Variants in ARL15 observed in about 807,000 individuals in gnomAD.
The protein encoded by ARL15 is ARF like GTPase 15.
Under a neutral mutation model 25.2 loss-of-function variants are expected in ARL15, and 19 were observed. The ratio of observed to expected loss-of-function variants is 0.75; its 90% CI spans 0.53 to 1.10. The LOEUF is 1.10. Among genes scored for constraint, ARL15 ranks in the 50% least tolerant of loss-of-function variants. ARL15 has a pLI of 0.00. For missense variants in ARL15, 220 were observed against 246.0 expected (o/e 0.89, Z 0.71); for synonymous variants, 94 against 86.8 (o/e 1.08, Z -0.46).
intron 4 of ARL15, among the ~76,000 whole-genome samples, chr5:53,980,673 C>A (rs772828168): frequency 1.3e-5 from 2 of 152,106 alleles, no homozygotes; most frequent in Non-Finnish European, 2.9e-5. Flanking sequence ...TTCAAAAAAC[C>A]CTCAGATTTA....
chr5:54,277,693 A>G (rs2112660316), intron 1 of ARL15, among the ~76,000 whole-genome samples: 1 of 152,262 alleles, frequency 6.6e-6, no homozygotes, highest in African/African-American at 2.4e-5. Flanking sequence ...CAGAGCTTGC[A>G]GTGAGCCGAG....
At chr5:54,170,531 A>G (rs1754685754) in intron 2 of ARL15, among the ~76,000 whole-genome samples, 1 of 152,186 alleles carries the variant, frequency 6.6e-6, no homozygotes, top group Non-Finnish European at 1.5e-5. Context: ...TCTATTAAAC[A>G]TACACTGCAG....
chr5:54,008,507 G>A (rs546632812), intron 4 of ARL15, among the ~76,000 whole-genome samples: 2 of 152,254 alleles, frequency 1.3e-5, no homozygotes, highest in South Asian at 2.1e-4. Flanking sequence ...GGCATTACAC[G>A]AAGCTAGAAC....
chr5:54,297,499 T>C (rs77919882), intron 1 of ARL15, among the ~76,000 whole-genome samples: 3,264 of 152,378 alleles, frequency 0.021, 49 homozygotes, highest in Middle Eastern at 0.048. Context: ...TCTTATGTTA[T>C]GTCTGGAACA....
In ARL15 at chr5:54,056,434, C is replaced by A. The variant is rs115615013; in HGVS notation, c.462+56768G>T. On this transcript the variant is annotated intron_variant, in intron 4 of 4. Coordinates refer to ENST00000504924, the MANE Select transcript of ARL15 (RefSeq NM_019087.3). ...ATCACCTGAGGTCAGGAGTTCGAAA[C>A]AGCCTGGCCAACACGGTGAAACCTT... Among the ~76,000 whole-genome samples, 1,427 of 152,012 alleles carry A rather than the reference C, an allele frequency of 9.4e-3. 24 individuals carry two copies. Among genetic ancestry groups the A allele is most frequent in the African/African-American group, 0.032 (1,342 of 41,438 alleles).
intron 4 of ARL15, chr5:53,887,339 C>G (rs138015091): frequency 8.6e-6 from 6 of 699,538 alleles, no homozygotes; most frequent in South Asian, 1.5e-5. Context: ...TACATATATG[C>G]GTAAAATCTT....
At chr5:53,891,464 T>TCCCA (rs1744705808) in intron 4 of ARL15, among the ~76,000 whole-genome samples, 1 of 152,184 alleles carries the variant, frequency 6.6e-6, no homozygotes, top group Non-Finnish European at 1.5e-5. Flanking sequence ...CAACCAGTCA[T>TCCCA]TGCTAGAAAT....
chr5:53,899,613 C>T lies in ARL15; in HGVS notation c.463-12900G>A, dbSNP rs1259445980. Among the ~76,000 whole-genome samples, 10 of 151,874 alleles carry T rather than the reference C, an allele frequency of 6.6e-5. No homozygotes were observed. In the South Asian group the frequency reaches 2.1e-3, roughly 32 times the overall value. On this transcript the variant is annotated intron_variant, in intron 4 of 4. Coordinates refer to ENST00000504924, the MANE Select transcript of ARL15 (RefSeq NM_019087.3). The stretch of plus-strand genomic sequence containing the variant: ...TAAGAGCATTCTGTTGGATCTCACC[C>T]CCATATATATTATTATGTTTCAATT...
chr5:53,990,149 GC>G (rs1016277836), intron 4 of ARL15, among the ~76,000 whole-genome samples: 1 of 151,978 alleles, frequency 6.6e-6, no homozygotes, highest in African/African-American at 2.4e-5. Flanking sequence ...GATCGCTCAA[GC>G]CCAGGTCGTC....
chr5:54,170,964 C>A (rs2112398673), intron 2 of ARL15, among the ~76,000 whole-genome samples: 1 of 152,304 alleles, frequency 6.6e-6, no homozygotes, highest in African/African-American at 2.4e-5. Flanking sequence ...CTCTGCACAG[C>A]AGCTCTGTTC....
intron 3 of ARL15, among the ~76,000 whole-genome samples, chr5:54,152,939 CT>C (rs1561244644): frequency 1.3e-5 from 2 of 152,264 alleles, no homozygotes; most frequent in South Asian, 4.2e-4. Context: ...TTGGTGTTCA[CT>C]TTTTTTAAAA....
chr5:54,283,042 G>A (rs989411438), intron 1 of ARL15, among the ~76,000 whole-genome samples: 10 of 152,066 alleles, frequency 6.6e-5, no homozygotes, highest in African/African-American at 1.4e-4. Context: ...TTATACAGTC[G>A]AACACTGTTA....
At chr5:54,140,173 T>C (rs949082306) in intron 3 of ARL15, among the ~76,000 whole-genome samples, 1 of 151,864 alleles carries the variant, frequency 6.6e-6, no homozygotes, top group African/African-American at 2.4e-5. Flanking sequence ...TTTAACTTCC[T>C]GGATTATAGT....
At chr5:54,046,249 G>A (rs1484313019) in intron 4 of ARL15, among the ~76,000 whole-genome samples, 1 of 152,212 alleles carries the variant, frequency 6.6e-6, no homozygotes, top group Non-Finnish European at 1.5e-5. Flanking sequence ...GGGAGGCCGA[G>A]GTGGATGGAT....
At chr5:54,080,002 C>CAT (rs1561215924) in intron 4 of ARL15, among the ~76,000 whole-genome samples, 7 of 117,928 alleles carry the variant, frequency 5.9e-5, no homozygotes, top group Non-Finnish European at 9.4e-5. Flanking sequence ...CACACACACA[C>CAT]ACACACACAC....
In ARL15 at chr5:54,310,463, A is replaced by T; in HGVS notation, c.17T>A (p.Ile6Lys). 6.2e-7 allele frequency: 1 copy of T among 1,609,480 alleles called. No homozygotes were observed. Among genetic ancestry groups the T allele is most frequent in the Non-Finnish European group, 8.5e-7 (1 of 1,178,076 alleles). The change falls in exon 1 of 5, where the codon ATA (isoleucine) becomes AAA (lysine). Residue 6 changes from isoleucine to lysine, a missense_variant. Physicochemically the swap from Ile to Lys is moderately radical, Grantham distance 102. Transcript: ENST00000504924. MSDLR[I>K]TEAFLYMDYL... Reference sequence around the variant, plus strand: ...ATCCATGTACAGAAACGCCTCAGTTATTCGGAGATCAGACATCCGGCAGCC... The same window carrying T: ...ATCCATGTACAGAAACGCCTCAGTTTTTCGGAGATCAGACATCCGGCAGCC...
At chr5:54,155,996 A>C (rs1322636278) in intron 2 of ARL15, among the ~76,000 whole-genome samples, 1 of 152,222 alleles carries the variant, frequency 6.6e-6, no homozygotes, top group Admixed American at 6.5e-5. Flanking sequence ...TTTTTCAAGA[A>C]TTTATCAACA....
intron 1 of ARL15, among the ~76,000 whole-genome samples, chr5:54,273,864 C>T (rs1378712602): frequency 1.3e-5 from 2 of 152,130 alleles, no homozygotes; most frequent in African/African-American, 4.8e-5. Context: ...AGACTAACAT[C>T]GTCACGTCCT....
chr5:54,247,772 C>G (rs1757128646), intron 1 of ARL15, among the ~76,000 whole-genome samples: 1 of 151,956 alleles, frequency 6.6e-6, no homozygotes, highest in Non-Finnish European at 1.5e-5. Context: ...CATCCTTACT[C>G]AATATAACAT....
Sources: gnomAD v4.1 joint callset for allele counts (sites outside exome capture counted in the v4.1 genomes callset) on GRCh38, gnomAD v4.1.1 for gene constraint, MANE v1.5 for transcripts, NCBI Gene and HGNC (gene_info 2026-07-23, HGNC 2026-07-21) for gene names.